ZDHHC21: variants seen among roughly 807,000 people sequenced by gnomAD.
The protein encoded by ZDHHC21 is palmitoyltransferase ZDHHC21.
In ZDHHC21, 15 loss-of-function variants were observed where a neutral mutation model predicts 34.6. The ratio of observed to expected loss-of-function variants is 0.43; its 90% CI spans 0.29 to 0.67. The LOEUF (loss-of-function observed/expected upper bound fraction) is 0.67. Among genes scored for constraint, ZDHHC21 ranks in the 30% least tolerant of loss-of-function variants. The pLI is 0.14. For missense variants in ZDHHC21, 344 were observed against 327.7 expected (o/e 1.05, Z -0.38); for synonymous variants, 142 against 101.8 (o/e 1.40, Z -2.38).
At chr9:14,639,552 C>T (rs1828941406) in intron 8 of ZDHHC21, among the ~76,000 whole-genome samples, 1 of 151,908 alleles carries the variant, frequency 6.6e-6, no homozygotes, top group South Asian at 2.1e-4. Context: ...GTGATGGAGA[C>T]CCCAAATACT....
chr9:14,634,169 C>T (rs1030228287), intron 8 of ZDHHC21, among the ~76,000 whole-genome samples: 1 of 152,178 alleles, frequency 6.6e-6, no homozygotes, highest in African/African-American at 2.4e-5. Context: ...ACTACCACCA[C>T]AGCTGGCACC....
chr9:14,637,141 G>GT (rs1828452107), intron 8 of ZDHHC21, among the ~76,000 whole-genome samples: 1 of 151,886 alleles, frequency 6.6e-6, no homozygotes, highest in Non-Finnish European at 1.5e-5. Flanking sequence ...AGATAAACAA[G>GT]TGAATAAACC....
intron 3 of ZDHHC21, among the ~76,000 whole-genome samples, chr9:14,678,105 A>G (rs1409869429): frequency 6.6e-6 from 1 of 151,966 alleles, no homozygotes; most frequent in Admixed American, 6.6e-5. Context: ...TCTAAATTCA[A>G]CTCAGACTTC....
chr9:14,677,783 G>A (rs1386211157), intron 3 of ZDHHC21, among the ~76,000 whole-genome samples: 1 of 151,996 alleles, frequency 6.6e-6, no homozygotes, highest in African/African-American at 2.4e-5. Flanking sequence ...TATTTATAAT[G>A]TTCAACTTAC....
chr9:14,592,355 A>AAT, the ZDHHC21 span, among the ~76,000 whole-genome samples: 2 of 151,948 alleles, frequency 1.3e-5, no homozygotes, highest in African/African-American at 2.4e-5. Flanking sequence ...TCTCTTTTAA[A>AAT]ATATATATAT....
intron 2 of ZDHHC21, among the ~76,000 whole-genome samples, chr9:14,687,097 A>G (rs1328880173): frequency 1.3e-5 from 2 of 151,052 alleles, no homozygotes; most frequent in Non-Finnish European, 1.5e-5. Flanking sequence ...AAAGATGGCC[A>G]AAAACAATAA....
intron 7 of ZDHHC21, 140 bp downstream of exon 7, chr9:14,658,609 C>A: frequency 1.8e-6 from 1 of 545,618 alleles, no homozygotes; most frequent in Non-Finnish European, 3.1e-6. Flanking sequence ...GTAGCTGGGA[C>A]TACAGGCGCC....
At chr9:14,631,093 T>C (rs922590706) in intron 8 of ZDHHC21, among the ~76,000 whole-genome samples, 12 of 152,240 alleles carry the variant, frequency 7.9e-5, no homozygotes, top group Admixed American at 7.2e-4. Context: ...TTCTCCTCTG[T>C]AGCCACAGAA....
chr9:14,623,634 ACAACT>A (rs1210584424), intron 8 of ZDHHC21, among the ~76,000 whole-genome samples: 4 of 135,998 alleles, frequency 2.9e-5, no homozygotes, highest in Non-Finnish European at 6.3e-5. Flanking sequence ...AGGAACACAA[ACAACT>A]CAACAGAAAA....
At chr9:14,635,820 T>C (rs1828197353) in intron 8 of ZDHHC21, among the ~76,000 whole-genome samples, 1 of 152,042 alleles carries the variant, frequency 6.6e-6, no homozygotes, top group Non-Finnish European at 1.5e-5. Flanking sequence ...GAGATCGCAA[T>C]GCTGCACTCT....
intron 3 of ZDHHC21, among the ~76,000 whole-genome samples, chr9:14,675,670 G>C (rs541893250): frequency 3.0e-4 from 45 of 152,000 alleles, no homozygotes; most frequent in African/African-American, 1.0e-3. Flanking sequence ...AGAAGACATG[G>C]TCTTTGCTTA....
intron 8 of ZDHHC21, among the ~76,000 whole-genome samples, chr9:14,621,341 G>A (rs548903369): frequency 8.2e-4 from 124 of 152,030 alleles, no homozygotes; most frequent in African/African-American, 2.9e-3. Context: ...TTACTATGGA[G>A]AAATTACAAC....
At chr9:14,676,874 G>A (rs1325166870) in intron 3 of ZDHHC21, among the ~76,000 whole-genome samples, 3 of 151,806 alleles carry the variant, frequency 2.0e-5, no homozygotes, top group Non-Finnish European at 4.4e-5. Context: ...CTCTCAACGT[G>A]TTCAATATTA....
At chr9:14,660,187 G>A (rs892068544) in intron 6 of ZDHHC21, among the ~76,000 whole-genome samples, 1 of 151,926 alleles carries the variant, frequency 6.6e-6, no homozygotes, top group South Asian at 2.1e-4. Flanking sequence ...CCAACATGGT[G>A]ACAACCCGTC....
rs979260752 is a variant in ZDHHC21, at chr9:14,612,089, T to G, written c.*6877A>C. ...ATATTGTTGGCAGATTAGAGAGAGA[T>G]AATGTTGCTTCATCTCATTAGGCTT... On this transcript the variant is annotated 3_prime_UTR_variant, in exon 10 of 10. Coordinates refer to ENST00000380916, the MANE Select transcript of ZDHHC21 (RefSeq NM_178566.6). 1.3e-5 allele frequency: 2 copies of G among 152,032 alleles called. No individual in the cohort carries two copies. Among genetic ancestry groups the G allele is most frequent in the Admixed American group, 6.6e-5 (1 of 15,232 alleles). 9.4% of individuals were successfully genotyped at this position (152,032 alleles called of 1,614,324 possible). A position where few individuals can be genotyped will look rare whatever the true frequency, so the allele number is the denominator to read the frequency against.
intron 7 of ZDHHC21, among the ~76,000 whole-genome samples, chr9:14,646,167 GAATA>G (rs1320848415): frequency 2.6e-5 from 4 of 151,986 alleles, no homozygotes; most frequent in Admixed American, 6.6e-5. Context: ...TCAACAGAAC[GAATA>G]AATGGCTTTA....
intron 3 of ZDHHC21, among the ~76,000 whole-genome samples, chr9:14,675,071 T>G: frequency 6.6e-6 from 1 of 151,990 alleles, no homozygotes; most frequent in East Asian, 1.9e-4. Flanking sequence ...AATACTAAAA[T>G]TCATAGAATG....
At chr9:14,643,034 T>A (rs564760273) in intron 7 of ZDHHC21, among the ~76,000 whole-genome samples, 1 of 151,724 alleles carries the variant, frequency 6.6e-6, no homozygotes, top group South Asian at 2.1e-4. Flanking sequence ...AGGTCAGGAG[T>A]TCGAGACTAG....
At chr9:14,595,617 G>A in the ZDHHC21 span, among the ~76,000 whole-genome samples, 1 of 152,156 alleles carries the variant, frequency 6.6e-6, no homozygotes. Context: ...TTTAAGGCAT[G>A]TAAGTAACAA....
Sources: gnomAD v4.1 joint callset for allele counts (sites outside exome capture counted in the v4.1 genomes callset) on GRCh38, gnomAD v4.1.1 for gene constraint, MANE v1.5 for transcripts, NCBI Gene and HGNC (gene_info 2026-07-23, HGNC 2026-07-21) for gene names.